PRKAG2: variants seen among roughly 807,000 people sequenced by gnomAD.
PRKAG2 encodes the protein protein kinase AMP-activated non-catalytic subunit gamma 2.
A neutral mutation model predicts 69.6 loss-of-function variants in PRKAG2; 26 were observed. The observed-to-expected ratio is 0.37, with a 90% confidence interval of 0.27 to 0.52. PRKAG2 has a LOEUF of 0.52. Among genes scored for constraint, PRKAG2 ranks in the 20% least tolerant of loss-of-function variants. PRKAG2 has a pLI of 0.90. For synonymous variants in PRKAG2, 293 were observed against 285.0 expected (o/e 1.03, Z -0.28); for missense variants, 557 against 740.0 (o/e 0.75, Z 2.87).
At chr7:151,759,800 G>A (rs1246438849) in intron 3 of PRKAG2, among the ~76,000 whole-genome samples, 7 of 152,236 alleles carry the variant, frequency 4.6e-5, no homozygotes, top group African/African-American at 1.4e-4. Flanking sequence ...TCAGGGCCAA[G>A]GGGACCCCGA....
At chr7:151,724,830 C>T (rs1265546121) in intron 3 of PRKAG2, among the ~76,000 whole-genome samples, 1 of 152,072 alleles carries the variant, frequency 6.6e-6, no homozygotes, top group South Asian at 2.1e-4. Flanking sequence ...AGGGTGGCAC[C>T]GGCACCAGAA....
rs1231547157 is a variant in PRKAG2, at chr7:151,714,530, G to A, written c.467-38893C>T. Among the ~76,000 whole-genome samples, 14 of 152,342 alleles carry A rather than the reference G, an allele frequency of 9.2e-5. No individual in the cohort carries two copies. The East Asian group carries it at 2.5e-3, about 27-fold the overall frequency. Reference sequence around the variant, plus strand: ...CACACCCTGCCACCTCTCCCTGGTGGCCTTGCCCTTCGTGTATCTGTTCAG... The same window carrying A: ...CACACCCTGCCACCTCTCCCTGGTGACCTTGCCCTTCGTGTATCTGTTCAG... On this transcript the variant is annotated intron_variant, in intron 3 of 15. Transcript: ENST00000287878.
chr7:151,820,747 G>A (rs1363594946), intron 1 of PRKAG2, among the ~76,000 whole-genome samples: 2 of 152,242 alleles, frequency 1.3e-5, no homozygotes, highest in East Asian at 1.9e-4. Context: ...CCACTGTCTG[G>A]AGATGAGCGC....
At chr7:151,633,893 T>C (rs949089954) in intron 4 of PRKAG2, among the ~76,000 whole-genome samples, 4 of 152,146 alleles carry the variant, frequency 2.6e-5, no homozygotes, top group Non-Finnish European at 1.5e-5. Flanking sequence ...TATTCTAAAA[T>C]TTATATGGAA....
rs1227817426 is a variant in PRKAG2 at position 151,614,419 on chromosome 7, G to A, written c.754+17650C>T. On this transcript the variant is annotated intron_variant, in intron 5 of 15. Transcript: ENST00000287878. This position sits in a 1 kb window ranked among gnomAD's most constrained non-coding sequence, Gnocchi z 4.4. ...CTGGAGGTGACCAGAAGCCACACAG[G>A]GGCTCACACAGGAGGCTGAAAAAAT... 6.6e-6 allele frequency among the ~76,000 whole-genome samples: 1 copy of A among 152,094 alleles called. No individual in the cohort carries two copies. Among genetic ancestry groups the A allele is most frequent in the Non-Finnish European group, 1.5e-5 (1 of 68,002 alleles).
At chr7:151,805,424 A>G (rs548251634) in intron 1 of PRKAG2, among the ~76,000 whole-genome samples, 1 of 152,242 alleles carries the variant, frequency 6.6e-6, no homozygotes, top group East Asian at 1.9e-4. Flanking sequence ...CCCAGTGAGA[A>G]CTCAGCTGAG....
intron 5 of PRKAG2, among the ~76,000 whole-genome samples, chr7:151,615,487 T>A (rs1004635231): frequency 6.6e-6 from 1 of 152,212 alleles, no homozygotes. Context: ...GAAATACCAT[T>A]CTGGACATAC....
At position 151,814,612 on chromosome 7, in the gene PRKAG2, C is replaced by T. The variant is rs960450476; in HGVS notation, c.115-28071G>A. The T allele has an allele frequency of 1.4e-4, 169 of 1,231,638 alleles. No individual in the cohort carries two copies. The highest frequency in any genetic ancestry group is 1.6e-4 in the Non-Finnish European group (162 of 988,006). 76.3% of individuals were successfully genotyped at this position (1,231,638 alleles called of 1,614,324 possible). A position where few individuals can be genotyped will look rare whatever the true frequency, so the allele number is the denominator to read the frequency against. ...TTCAGCACAGGCAATTTCTAGGGTTCGGCTGTGCTCCGAGCTGCTGCCACT... is the reference window on the plus strand; with the variant it reads ...TTCAGCACAGGCAATTTCTAGGGTTTGGCTGTGCTCCGAGCTGCTGCCACT... On this transcript the variant is annotated intron_variant, in intron 1 of 15. Coordinates refer to ENST00000287878, the MANE Select transcript of PRKAG2 (RefSeq NM_016203.4). This position sits in a 1 kb window ranked among gnomAD's most constrained non-coding sequence, Gnocchi z 4.8.
intron 3 of PRKAG2, among the ~76,000 whole-genome samples, chr7:151,694,863 G>A (rs970347427): frequency 6.6e-6 from 1 of 152,214 alleles, no homozygotes; most frequent in African/African-American, 2.4e-5. Context: ...AGAGCAAGGA[G>A]TAAGGACATC....
intron 1 of PRKAG2, among the ~76,000 whole-genome samples, chr7:151,803,711 GT>G (rs566033763): frequency 1.1e-3 from 160 of 141,872 alleles, no homozygotes; most frequent in African/African-American, 2.7e-3. Flanking sequence ...TATCCAGCTT[GT>G]TTTTTTTTTT....
chr7:151,591,036 T>C (rs1334187291), intron 6 of PRKAG2, among the ~76,000 whole-genome samples: 1 of 152,164 alleles, frequency 6.6e-6, no homozygotes, highest in African/African-American at 2.4e-5. Flanking sequence ...GACAGGGGCA[T>C]TGGCACGGAT....
chr7:151,737,507 T>C (rs1384468890), intron 3 of PRKAG2, among the ~76,000 whole-genome samples: 1 of 152,154 alleles, frequency 6.6e-6, no homozygotes, highest in Non-Finnish European at 1.5e-5. Context: ...GGCCGCCCAC[T>C]AGGGTGGGAT....
At chr7:151,808,120 C>G (rs1174707349) in intron 1 of PRKAG2, among the ~76,000 whole-genome samples, 3 of 152,166 alleles carry the variant, frequency 2.0e-5, no homozygotes, top group Non-Finnish European at 4.4e-5. Context: ...TCCTCACTCA[C>G]TGCACTCCAG....
chr7:151,807,986 A>C lies in PRKAG2; in HGVS notation c.115-21445T>G, dbSNP rs563688442. On this transcript the variant is annotated intron_variant, in intron 1 of 15. Transcript: ENST00000287878. This position sits in a 1 kb window ranked among gnomAD's most constrained non-coding sequence, Gnocchi z 4.4. ...CATAGTTTCGTAACCCCTCCCTACA[A>C]ACTACCCCCTTTCCCTCTGCCCAAG... Among the ~76,000 whole-genome samples the C allele has an allele frequency of 2.0e-5, 3 of 152,242 alleles. No individual in the cohort carries two copies. The South Asian group carries it at 6.2e-4, about 32-fold the overall frequency.
At chr7:151,661,287 C>T (rs540403884) in intron 4 of PRKAG2, among the ~76,000 whole-genome samples, 1 of 152,310 alleles carries the variant, frequency 6.6e-6, no homozygotes, top group East Asian at 1.9e-4. Context: ...AAGCAATTCT[C>T]CTGCCTCAGC....
chr7:151,857,865 C>CTTCT, intron 1 of PRKAG2, among the ~76,000 whole-genome samples: 1 of 152,238 alleles, frequency 6.6e-6, no homozygotes, highest in Non-Finnish European at 1.5e-5. Flanking sequence ...TATACAATCC[C>CTTCT]AAACGGTGAT....
chr7:151,597,340 G>A lies in PRKAG2; in HGVS notation c.755-1886C>T, dbSNP rs149420537. On this transcript the variant is annotated intron_variant, in intron 5 of 15. Transcript: ENST00000287878. ...GAAACTACTAGAAGAAAACATAGGG[G>A]AAATGCTTCATGACTTTGGTCTGGG... 8.7e-3 allele frequency among the ~76,000 whole-genome samples: 1,329 copies of A among 152,290 alleles called. 22 individuals carry two copies. The highest frequency in any genetic ancestry group is 0.031 in the African/African-American group (1,270 of 41,572).
chr7:151,608,637 C>CTA (rs1188523414), intron 5 of PRKAG2, among the ~76,000 whole-genome samples: 1 of 152,112 alleles, frequency 6.6e-6, no homozygotes, highest in Non-Finnish European at 1.5e-5. Flanking sequence ...TCTGAGATGA[C>CTA]TATATTGTGT....
At chr7:151,659,538 G>T (rs565695420) in intron 4 of PRKAG2, among the ~76,000 whole-genome samples, 105 of 152,312 alleles carry the variant, frequency 6.9e-4, no homozygotes, top group Non-Finnish European at 1.3e-3. Context: ...TAACACAGGG[G>T]TTCACACATG....
Sources: gnomAD v4.1 joint callset for allele counts (sites outside exome capture counted in the v4.1 genomes callset) on GRCh38, gnomAD v4.1.1 for gene constraint, Gnocchi (gnomAD v3.1) non-coding constraint, MANE v1.5 for transcripts, NCBI Gene and HGNC (gene_info 2026-07-23, HGNC 2026-07-21) for gene names.